TMEM101: variants seen among roughly 807,000 people sequenced by gnomAD.
The protein encoded by TMEM101 is transmembrane protein 101, also known as putative NF-kappa-B-activating protein 130.
In TMEM101, 14 loss-of-function variants were observed where a neutral mutation model predicts 26.0. The observed-to-expected ratio is 0.54, with a 90% CI of 0.36 to 0.84. The LOEUF is 0.84. Ranked by LOEUF, TMEM101 falls within the 40% of genes least tolerant of loss-of-function variation. The probability of loss-of-function intolerance (pLI) is 0.01; values close to 1 mark genes in which losing one functional copy is unlikely to be tolerated. For missense variants in TMEM101, 292 were observed against 345.1 expected (o/e 0.85, Z 1.22); for synonymous variants, 152 against 145.1 (o/e 1.05, Z -0.34).
In TMEM101 at chr17:44,011,280, CAG is replaced by C. The variant is rs1291232492; in HGVS notation, c.*646_*647del. 2.6e-5 allele frequency: 4 copies of C among 152,340 alleles called. No homozygotes were observed. The highest frequency in any genetic ancestry group is 9.6e-5 in the African/African-American group (4 of 41,464). The allele number at this position is 152,340 out of a possible 1,614,324, so 9.4% of individuals were successfully genotyped here. ...ACCAGGCCAACCATGGAGCTAGAAA[CAG>C]AGACAGCAGGAAGGGCAAAGCTGGC... On this transcript the variant is annotated 3_prime_UTR_variant, in exon 4 of 4. Transcript: ENST00000206380.
upstream of TMEM101, among the ~76,000 whole-genome samples, chr17:44,016,436 G>A (rs932931264): frequency 6.6e-6 from 1 of 152,122 alleles, no homozygotes; most frequent in African/African-American, 2.4e-5. Context: ...CTCCCAAAGC[G>A]CTAGGATTAC....
rs746837150 is a variant in TMEM101 at position 44,014,471 on chromosome 17, GA to G, written c.203del (p.Phe68SerfsTer6). The G allele has an allele frequency of 1.3e-6, 2 of 1,564,220 alleles. No individual in the cohort carries two copies. The part of the protein sequence containing the change: ...DMGAAVLCAS[F>X]MSFGVKRRWF... ...AGCGCCGCTTCACGCCAAAGGACAT[GA>G]AACTAGCGCACAGCACGGCTGCCCC... On this transcript the variant is annotated frameshift_variant, in exon 2 of 4. Transcript: ENST00000206380. LOFTEE classifies it high-confidence loss of function.
chr17:44,012,981 A>C, intron 3 of TMEM101, 28 bp downstream of exon 3: 1 of 1,523,228 alleles, frequency 6.6e-7, no homozygotes, highest in South Asian at 1.2e-5. Flanking sequence ...CCAGCCAGGC[A>C]CCTCCAACCA....
Position 44,014,890 on chromosome 17 carries a change from C to T in TMEM101, c.63G>A (p.Val21=), listed in dbSNP as rs377249486. 1 of 1,613,992 alleles carries T rather than the reference C, an allele frequency of 6.2e-7. No individual in the cohort carries two copies. Among genetic ancestry groups the T allele is most frequent in the Non-Finnish European group, 8.5e-7 (1 of 1,179,990 alleles). The part of the protein sequence containing the change: ...MLQLIMQLGS[V]LLTRCPFWGC... ...CCCAAAAGGGGCAGCGTGTGAGCAG[C>T]ACCGAACCCAACTGCATGATCAGCT... is the stretch of plus-strand genomic sequence containing the variant. The change falls in exon 1 of 4, where the codon GTG becomes GTA. Residue 21 remains valine, a synonymous_variant. Transcript: ENST00000206380.
intron 2 of TMEM101, 133 bp from the exon 3 acceptor site, chr17:44,013,288 T>G (rs2049186065): frequency 2.4e-6 from 2 of 846,536 alleles, no homozygotes; most frequent in Non-Finnish European, 3.2e-6. Flanking sequence ...CCAAGCTTGG[T>G]GGGCAGGTGC....
chr17:44,012,526 C>T (rs2049174422), intron 3 of TMEM101: 1 of 459,178 alleles, frequency 2.2e-6, no homozygotes, highest in Admixed American at 3.8e-5. Context: ...GAGAGCTGTA[C>T]AGAGATATAC....
intron 2 of TMEM101, among the ~76,000 whole-genome samples, chr17:44,020,604 C>T (rs2049276380): frequency 6.6e-6 from 1 of 152,192 alleles, no homozygotes; most frequent in Non-Finnish European, 1.5e-5. Flanking sequence ...CACCTATAAT[C>T]CCAGCTACTT....
At chr17:44,019,306 T>G (rs2049263330), upstream of TMEM101, 2 of 421,890 alleles carry the variant, frequency 4.7e-6, no homozygotes, top group Admixed American at 2.7e-5. Context: ...AGTCGGACAC[T>G]GCACTCACCA....
At chr17:44,018,283 C>A (rs1567948756), upstream of TMEM101, among the ~76,000 whole-genome samples, 1 of 152,144 alleles carries the variant, frequency 6.6e-6, no homozygotes, top group East Asian at 1.9e-4. Context: ...TATGATTGCA[C>A]TACTGCACTC....
chr17:44,018,062 T>C (rs1359963434), upstream of TMEM101, among the ~76,000 whole-genome samples: 1 of 152,200 alleles, frequency 6.6e-6, no homozygotes, highest in Non-Finnish European at 1.5e-5. Flanking sequence ...GAGGAGGTAG[T>C]TGCAGTGAGT....
chr17:44,019,976 G>C (rs920642399), intron 2 of TMEM101, among the ~76,000 whole-genome samples: 6 of 152,180 alleles, frequency 3.9e-5, no homozygotes, highest in Non-Finnish European at 5.9e-5. Context: ...CAACATGACA[G>C]TACACAGCTG....
intron 2 of TMEM101, 47 bp downstream of exon 2, chr17:44,014,310 T>C (rs1405040302): frequency 7.9e-6 from 12 of 1,527,236 alleles, no homozygotes; most frequent in Non-Finnish European, 1.1e-5. Flanking sequence ...TGGCCTCTGA[T>C]TCCCCGTCAC....
In TMEM101 at chr17:44,014,504, G is replaced by T. The variant is rs2049203444; in HGVS notation, c.171C>A (p.Phe57Leu). 4.5e-6 allele frequency: 7 copies of T among 1,572,120 alleles called. No individual in the cohort carries two copies. Among genetic ancestry groups the T allele is most frequent in the Non-Finnish European group, 6.0e-6 (7 of 1,158,758 alleles). ...KPDIPVPYLYFDMGAAVLCAS... is the reference protein window; with the variant it reads ...KPDIPVPYLYLDMGAAVLCAS... The stretch of plus-strand genomic sequence containing the variant: ...CGCACAGCACGGCTGCCCCCATGTC[G>T]AAATACAGGTAAGGCACTGGGATGT... Residue 57 changes from phenylalanine to leucine, a missense_variant, in exon 2 of 4, where the codon TTC becomes TTA. By Grantham distance (22) the Phe-to-Leu change is conservative. Coordinates refer to ENST00000206380, the MANE Select transcript of TMEM101 (RefSeq NM_032376.4).
At position 44,014,962 on chromosome 17, in the gene TMEM101, G is replaced by A. The variant is rs201235393; in HGVS notation, c.-10C>T. On this transcript the variant is annotated 5_prime_UTR_variant, in exon 1 of 4. Coordinates refer to ENST00000206380, the MANE Select transcript of TMEM101 (RefSeq NM_032376.4). Reference sequence around the variant, plus strand: ...CTATCTTCGACGCCATCTTGGGAAAGGGCAGTCCGCTGCGGCCTCACCCCA... The same window carrying A: ...CTATCTTCGACGCCATCTTGGGAAAAGGCAGTCCGCTGCGGCCTCACCCCA... The A allele has an allele frequency of 1.1e-4, 171 of 1,606,704 alleles. No individual in the cohort carries two copies. The highest frequency in any genetic ancestry group is 7.7e-5 in the Non-Finnish European group (91 of 1,175,826).
At chr17:44,014,599 G>T (rs2049205466) in intron 1 of TMEM101, 62 bp from the exon 2 acceptor site, 1 of 1,548,612 alleles carries the variant, frequency 6.5e-7, no homozygotes, top group South Asian at 1.2e-5. Flanking sequence ...AGAAGCTTGA[G>T]ACCCCTTGAG....
chr17:44,022,551 T>C (rs1490582166), intron 1 of TMEM101, among the ~76,000 whole-genome samples: 1 of 152,258 alleles, frequency 6.6e-6, no homozygotes, highest in East Asian at 1.9e-4. Flanking sequence ...CATTAACTTA[T>C]AAGCAGTAAG....
upstream of TMEM101, among the ~76,000 whole-genome samples, chr17:44,015,375 CT>C (rs1046171676): frequency 8.8e-5 from 6 of 68,334 alleles, no homozygotes; most frequent in Admixed American, 2.1e-4. Flanking sequence ...GAGTTGTGAA[CT>C]TTTTTTTTCT....
At chr17:44,012,568 C>A in intron 3 of TMEM101, 1 of 395,952 alleles carries the variant, frequency 2.5e-6, no homozygotes, top group East Asian at 3.9e-5. Flanking sequence ...AATGGCCTGG[C>A]GCCTGTCCAT....
upstream of TMEM101, among the ~76,000 whole-genome samples, chr17:44,017,397 CCTGA>C (rs1023697321): frequency 3.3e-5 from 5 of 150,570 alleles, no homozygotes; most frequent in African/African-American, 7.3e-5. Context: ...TCGAGACCAT[CCTGA>C]CTAACACAGT....
Sources: allele counts gnomAD v4.1 joint callset (sites outside exome capture counted in the v4.1 genomes callset), GRCh38; gene constraint gnomAD v4.1.1; transcripts MANE v1.5; gene names NCBI Gene and HGNC (gene_info 2026-07-23, HGNC 2026-07-21).